Variants in GALNT13 observed in about 807,000 individuals in gnomAD.
GALNT13 encodes polypeptide N-acetylgalactosaminyltransferase 13.
In GALNT13, 28 loss-of-function variants were observed where a neutral mutation model predicts 64.2. That is an observed-to-expected ratio of 0.44 (90% CI 0.32 to 0.60). The LOEUF (loss-of-function observed/expected upper bound fraction) is 0.60. Ranked by LOEUF, GALNT13 falls within the 20% of genes least tolerant of loss-of-function variation. The pLI, the probability that GALNT13 is intolerant of heterozygous loss-of-function variation, is 0.05. For synonymous variants in GALNT13, 214 were observed against 224.6 expected (o/e 0.95, Z 0.42); for missense variants, 577 against 669.8 (o/e 0.86, Z 1.53).
chr2:154,126,548 T>C (rs565054263), intron 3 of GALNT13, among the ~76,000 whole-genome samples: 3 of 148,862 alleles, frequency 2.0e-5, no homozygotes, highest in South Asian at 4.3e-4. Flanking sequence ...GGCAGGAGAA[T>C]GGCGTGAACC....
the GALNT13 span, among the ~76,000 whole-genome samples, chr2:153,596,473 G>A: frequency 3.5e-3 from 532 of 151,986 alleles, 5 homozygotes; most frequent in African/African-American, 0.012. Flanking sequence ...TTGCAACATC[G>A]AAATTAGAAA....
downstream of GALNT13, among the ~76,000 whole-genome samples, chr2:154,456,151 T>G (rs963178104): frequency 5.3e-4 from 11 of 20,648 alleles, no homozygotes; most frequent in African/African-American, 1.5e-3. Flanking sequence ...TTTTTTTGTT[T>G]TTTTTTTTTT....
chr2:153,202,160 A>AT, the GALNT13 span, among the ~76,000 whole-genome samples: 2 of 151,152 alleles, frequency 1.3e-5, no homozygotes, highest in African/African-American at 4.9e-5. Context: ...AATTTTTTGT[A>AT]TTTTTAGTAG....
the GALNT13 span, among the ~76,000 whole-genome samples, chr2:153,573,575 C>T: frequency 7.1e-6 from 1 of 141,746 alleles, no homozygotes; most frequent in African/African-American, 2.5e-5. Context: ...GATTTAATTT[C>T]TCACGTTTTA....
At chr2:153,137,978 G>A in the GALNT13 span, among the ~76,000 whole-genome samples, 3 of 152,036 alleles carry the variant, frequency 2.0e-5, no homozygotes, top group Non-Finnish European at 4.4e-5. Flanking sequence ...TCTCTGTGGT[G>A]CTTCCTACCA....
At chr2:153,167,022 A>G in the GALNT13 span, among the ~76,000 whole-genome samples, 2 of 152,242 alleles carry the variant, frequency 1.3e-5, no homozygotes, top group African/African-American at 4.8e-5. Flanking sequence ...TGAAGCAGAG[A>G]ACCCAGATAA....
chr2:153,758,624 A>G, the GALNT13 span, among the ~76,000 whole-genome samples: 2 of 152,246 alleles, frequency 1.3e-5, no homozygotes, highest in African/African-American at 4.8e-5. Flanking sequence ...ACAGAGTCTC[A>G]CTTTGTCACC....
intron 1 of GALNT13, among the ~76,000 whole-genome samples, chr2:153,900,401 G>T (rs60847462): frequency 0.065 from 9,863 of 152,100 alleles, 486 homozygotes; most frequent in South Asian, 0.13. Flanking sequence ...GGGTATGCAG[G>T]TCGTGTGCCT....
chr2:153,133,168 C>T, the GALNT13 span, among the ~76,000 whole-genome samples: 1 of 152,000 alleles, frequency 6.6e-6, no homozygotes, highest in Non-Finnish European at 1.5e-5. Context: ...CTCAAAGCTC[C>T]CTTTCTGAAA....
the GALNT13 span, among the ~76,000 whole-genome samples, chr2:153,292,083 A>C: frequency 6.6e-6 from 1 of 152,264 alleles, no homozygotes; most frequent in South Asian, 2.1e-4. Flanking sequence ...ACTTCTATCC[A>C]TGTTTCAAAT....
chr2:153,266,573 G>GGAGA, the GALNT13 span, among the ~76,000 whole-genome samples: 3 of 151,312 alleles, frequency 2.0e-5, no homozygotes, highest in Non-Finnish European at 2.9e-5. Flanking sequence ...CAAGGTGGCA[G>GGAGA]GAGAGAGAGA....
chr2:153,661,616 C>T, the GALNT13 span, among the ~76,000 whole-genome samples: 1,365 of 152,216 alleles, frequency 9.0e-3, 14 homozygotes, highest in African/African-American at 0.03. Context: ...CATGAAGATA[C>T]GGGCATATAT....
intron 8 of GALNT13, chr2:154,286,652 G>T: frequency 3.7e-6 from 1 of 267,762 alleles, no homozygotes; most frequent in Non-Finnish European, 7.3e-6. Context: ...GTTGTAGGAG[G>T]CATGGTGAAC....
the GALNT13 span, among the ~76,000 whole-genome samples, chr2:153,673,385 G>A: frequency 3.3e-5 from 5 of 152,146 alleles, no homozygotes; most frequent in African/African-American, 4.8e-5. Context: ...TCATCCCTGG[G>A]ATGCAAGGCT....
the GALNT13 span, among the ~76,000 whole-genome samples, chr2:153,378,306 AGAT>A: frequency 8.7e-6 from 1 of 115,520 alleles, no homozygotes; most frequent in Non-Finnish European, 1.8e-5. Flanking sequence ...ATAGATAGAT[AGAT>A]AATTTTTTTT....
At chr2:153,329,834 G>A in the GALNT13 span, among the ~76,000 whole-genome samples, 1 of 152,160 alleles carries the variant, frequency 6.6e-6, no homozygotes, top group African/African-American at 2.4e-5. Context: ...TGAGGACTTA[G>A]TCATAAATTC....
intron 3 of GALNT13, among the ~76,000 whole-genome samples, chr2:154,091,784 A>T (rs1701821960): frequency 6.6e-6 from 1 of 151,830 alleles, no homozygotes; most frequent in Non-Finnish European, 1.5e-5. Context: ...AAGGCCTTTT[A>T]TTTTTTTCCA....
chr2:153,398,151 C>G, the GALNT13 span, among the ~76,000 whole-genome samples: 3 of 150,596 alleles, frequency 2.0e-5, no homozygotes, highest in South Asian at 6.3e-4. Context: ...CAATTCCCAC[C>G]TATGAGTGAG....
the GALNT13 span, among the ~76,000 whole-genome samples, chr2:153,387,730 G>A: frequency 6.6e-6 from 1 of 151,916 alleles, no homozygotes; most frequent in African/African-American, 2.4e-5. Flanking sequence ...ATGTGTTAAA[G>A]GCTTTAAATT....
Sources: gnomAD v4.1 joint callset for allele counts (sites outside exome capture counted in the v4.1 genomes callset) on GRCh38, gnomAD v4.1.1 for gene constraint, MANE v1.5 for transcripts, NCBI Gene and HGNC (gene_info 2026-07-23, HGNC 2026-07-21) for gene names.